The following CEACAM19 variants were observed in gnomAD, a reference collection of about 807,000 sequenced individuals.
CEACAM19 encodes the protein CEA cell adhesion molecule 19, also known as cell adhesion molecule CEACAM19.
Under a neutral mutation model 37.6 loss-of-function variants are expected in CEACAM19, and 37 were observed. The ratio of observed to expected loss-of-function variants is 0.98; its 90% CI spans 0.76 to 1.29. The LOEUF (loss-of-function observed/expected upper bound fraction) is 1.29, where lower values mean the gene tolerates loss of function less well. Among genes scored for constraint, CEACAM19 ranks in the 50% most tolerant of loss-of-function variants. CEACAM19 has a pLI of 0.00. For missense variants in CEACAM19, 340 were observed against 375.6 expected (o/e 0.91, Z 0.78); for synonymous variants, 140 against 149.8 (o/e 0.93, Z 0.48).
chr19:44,670,745 TC>T (rs965203825), upstream of CEACAM19, among the ~76,000 whole-genome samples: 39 of 132,568 alleles, frequency 2.9e-4, no homozygotes, highest in Non-Finnish European at 5.0e-4. Flanking sequence ...CAACCAATGT[TC>T]ATGAATGGAA....
intron 2 of CEACAM19, among the ~76,000 whole-genome samples, chr19:44,673,522 C>T (rs117994198): frequency 0.025 from 3,782 of 152,244 alleles, 59 homozygotes; most frequent in Middle Eastern, 0.044. Flanking sequence ...AGCAGCACCC[C>T]GGCCTCTACT....
chr19:44,673,167 C>T lies in CEACAM19; in HGVS notation c.424+203C>T, dbSNP rs114344542. Among the ~76,000 whole-genome samples, 1,135 of 152,326 alleles carry T rather than the reference C, an allele frequency of 7.5e-3. 19 individuals are homozygous for T. The highest frequency in any genetic ancestry group is 0.026 in the African/African-American group (1,087 of 41,568). ...ACTAATAAAATATCTATGAAATGCC[C>T]GCCTTGTGCCTGACACTGGAGAATG... On this transcript the variant is annotated intron_variant, in intron 2 of 7. Transcript: ENST00000358777.
intron 6 of CEACAM19, 30 bp from the exon 7 acceptor site, chr19:44,682,537 C>T (rs1599794159): frequency 3.2e-6 from 5 of 1,573,412 alleles, no homozygotes; most frequent in Non-Finnish European, 3.5e-6. Flanking sequence ...GGGTGCCGAG[C>T]GCCCACTCAC....
Position 44,683,563 on chromosome 19 carries a change from C to A in CEACAM19, c.*73C>A. 1 of 1,001,466 alleles carries A rather than the reference C, an allele frequency of 1.0e-6. No individual in the cohort carries two copies. Among genetic ancestry groups the A allele is most frequent in the Non-Finnish European group, 1.4e-6 (1 of 694,094 alleles). The allele number at this position is 1,001,466 out of a possible 1,614,324, so 62.0% of individuals were successfully genotyped here. On this transcript the variant is annotated 3_prime_UTR_variant, in exon 8 of 8. Coordinates refer to ENST00000358777, the MANE Select transcript of CEACAM19 (RefSeq NM_001127893.3). ...CCTCTGGGAGCCTCACACCTGAGAC[C>A]AGCAGGACAAGGCCATTGGGGGCTG...
chr19:44,679,466 TG>T (rs1411667193), intron 4 of CEACAM19, among the ~76,000 whole-genome samples: 2 of 151,884 alleles, frequency 1.3e-5, no homozygotes, highest in African/African-American at 4.8e-5. Flanking sequence ...TAGCAGAGCA[TG>T]GGCCAGGCAT....
chr19:44,683,215 G>T, intron 7 of CEACAM19: 1 of 440,486 alleles, frequency 2.3e-6, no homozygotes, highest in Non-Finnish European at 4.1e-6. Context: ...TCCATTCTCT[G>T]TCTCTCCTGC....
intron 6 of CEACAM19, 45 bp from the exon 7 acceptor site, chr19:44,682,522 G>A (rs772481360): frequency 2.1e-5 from 33 of 1,549,572 alleles, no homozygotes; most frequent in Non-Finnish European, 2.9e-5. Context: ...AGTTTAGAGG[G>A]TGGGGGGTGC....
At chr19:44,680,557 C>T (rs1974039272) in intron 5 of CEACAM19, among the ~76,000 whole-genome samples, 1 of 151,974 alleles carries the variant, frequency 6.6e-6, no homozygotes, top group African/African-American at 2.4e-5. Flanking sequence ...CATCCCCATC[C>T]CATCATGCAA....
Position 44,677,063 on chromosome 19 carries a change from G to A in CEACAM19, c.575+642G>A, listed in dbSNP as rs190579316. 4.2e-4 allele frequency among the ~76,000 whole-genome samples: 64 copies of A among 152,166 alleles called. 1 individual carries two copies. Among genetic ancestry groups the A allele is most frequent in the South Asian group, 1.0e-3 (5 of 4,826 alleles). On this transcript the variant is annotated intron_variant, in intron 3 of 7. Transcript: ENST00000358777. The stretch of plus-strand genomic sequence containing the variant: ...ATTCTCAGGCAGGCTCTCCCCTGTT[G>A]CCACAAGATCACTCCCAGGGGGCCC...
chr19:44,679,038 G>T, intron 4 of CEACAM19, 102 bp downstream of exon 4: 2 of 1,533,724 alleles, frequency 1.3e-6, no homozygotes, highest in Non-Finnish European at 1.8e-6. Context: ...TGTTGCCAAG[G>T]TTGGGGTGCA....
Position 44,681,317 on chromosome 19 carries a change from G to GT in CEACAM19, c.792+6dup. 6.2e-7 allele frequency: 1 copy of GT among 1,608,996 alleles called. No individual in the cohort carries two copies. The highest frequency in any genetic ancestry group is 8.5e-7 in the Non-Finnish European group (1 of 1,175,840). On this transcript the variant is annotated splice_donor_region_variant and intron_variant, in intron 6 of 7. Coordinates refer to ENST00000358777, the MANE Select transcript of CEACAM19 (RefSeq NM_001127893.3). ...AGGTCCATAAACCCAGCCCGGGTGA[G>GT]TCCCGTCCCCAGCCTCTCCCCTGAA...
Position 44,672,711 on chromosome 19 carries a change from A to C in CEACAM19, c.171A>C (p.Pro57=). The change falls in exon 2 of 8, where the codon CCA becomes CCC. Residue 57 remains proline (P), a synonymous_variant. Transcript: ENST00000358777. Reference sequence around the variant, plus strand: ...TTCTCCTGTCAGTCCAGGGTGTCCCAGACACCTTCCAGGACTTCAACTGGT... The same window carrying C: ...TTCTCCTGTCAGTCCAGGGTGTCCCCGACACCTTCCAGGACTTCAACTGGT... ...QDLLLSVQGV[P]DTFQDFNWYL... is the part of the protein sequence containing the mutation. 1 of 1,580,896 alleles carries C rather than the reference A, an allele frequency of 6.3e-7. No homozygotes were observed. The highest frequency in any genetic ancestry group is 1.2e-5 in the South Asian group (1 of 86,158).
chr19:44,668,839 A>C (rs1973812997), upstream of CEACAM19, among the ~76,000 whole-genome samples: 1 of 106,338 alleles, frequency 9.4e-6, no homozygotes, highest in Non-Finnish European at 1.9e-5. Context: ...TTTTTTTTGG[A>C]GATGGAGTCT....
chr19:44,666,339 T>C (rs947396358), intron 1 of CEACAM19, among the ~76,000 whole-genome samples: 1 of 151,968 alleles, frequency 6.6e-6, no homozygotes, highest in Non-Finnish European at 1.5e-5. Context: ...ACAACTTCTC[T>C]CCCGGAGACA....
intron 1 of CEACAM19, chr19:44,665,920 C>G (rs1391442802): frequency 6.6e-6 from 1 of 152,352 alleles, no homozygotes; most frequent in African/African-American, 2.4e-5. Flanking sequence ...CCAGCGCCGC[C>G]CACCGCTCAA....
upstream of CEACAM19, among the ~76,000 whole-genome samples, chr19:44,670,712 G>A (rs1973838994): frequency 6.9e-6 from 1 of 145,176 alleles, no homozygotes; most frequent in Non-Finnish European, 1.5e-5. Flanking sequence ...TGCAATTATA[G>A]GTGACATATT....
chr19:44,670,616 A>G (rs1321576682), upstream of CEACAM19, among the ~76,000 whole-genome samples: 1 of 151,778 alleles, frequency 6.6e-6, no homozygotes, highest in East Asian at 1.9e-4. Context: ...CGGAGGTTGC[A>G]GTAAACTGAG....
chr19:44,679,524 C>T lies in CEACAM19; in HGVS notation c.659+588C>T, dbSNP rs866320967. 6.6e-5 allele frequency among the ~76,000 whole-genome samples: 10 copies of T among 151,984 alleles called. 1 individual carries two copies. The South Asian group carries it at 1.0e-3, about 16-fold the overall frequency. ...CAGCACTTTGGGAGGCCGAGGCTGGCGGATCACGAGGTCAGGAAATCGAGA... is the reference window on the plus strand; with the variant it reads ...CAGCACTTTGGGAGGCCGAGGCTGGTGGATCACGAGGTCAGGAAATCGAGA... On this transcript the variant is annotated intron_variant, in intron 4 of 7. Coordinates refer to ENST00000358777, the MANE Select transcript of CEACAM19 (RefSeq NM_001127893.3).
Position 44,683,534 on chromosome 19 carries a change from C to T in CEACAM19, c.*44C>T. 3 of 1,320,928 alleles carry T rather than the reference C, an allele frequency of 2.3e-6. No homozygotes were observed. Among genetic ancestry groups the T allele is most frequent in the Non-Finnish European group, 3.1e-6 (3 of 969,376 alleles). 81.8% of individuals were successfully genotyped at this position (1,320,928 alleles called of 1,614,324 possible). On this transcript the variant is annotated 3_prime_UTR_variant, in exon 8 of 8. Transcript: ENST00000358777. ...AGCCAGGGAGAAGACAAGGCCCCAGCCCTCCTCTGGGAGCCTCACACCTGA... is the reference window on the plus strand; with the variant it reads ...AGCCAGGGAGAAGACAAGGCCCCAGTCCTCCTCTGGGAGCCTCACACCTGA...
Sources: allele counts gnomAD v4.1 joint callset (sites outside exome capture counted in the v4.1 genomes callset), GRCh38; gene constraint gnomAD v4.1.1; transcripts MANE v1.5; gene names NCBI Gene and HGNC (gene_info 2026-07-23, HGNC 2026-07-21).